The following SOX5 variants were observed in gnomAD, a reference collection of about 807,000 sequenced individuals.
The protein encoded by SOX5 is transcription factor SOX-5.
Under a neutral mutation model 92.0 loss-of-function variants are expected in SOX5, and 9 were observed. The ratio of observed to expected loss-of-function variants is 0.10; its 90% CI spans 0.06 to 0.17. The LOEUF (loss-of-function observed/expected upper bound fraction) is 0.17, where lower values mean the gene tolerates loss of function less well. SOX5 is among the 10% of genes least tolerant of loss of function. SOX5 has a pLI of 1.00. For synonymous variants in SOX5, 344 were observed against 336.3 expected, an observed-to-expected ratio of 1.02 and a Z score of -0.25; for missense variants, 642 against 944.5, an observed-to-expected ratio of 0.68 and a Z score of 4.20.
At chr12:23,918,651 C>T (rs916615279) in intron 1 of SOX5, among the ~76,000 whole-genome samples, 2 of 152,074 alleles carry the variant, frequency 1.3e-5, no homozygotes, top group East Asian at 1.9e-4. Context: ...ATGGGCCGGG[C>T]GTGGTGGCTC....
At chr12:23,974,649 G>A (rs1010636295) in intron 4 of SOX5, among the ~76,000 whole-genome samples, 3 of 152,056 alleles carry the variant, frequency 2.0e-5, no homozygotes, top group African/African-American at 7.2e-5. Context: ...CAGGAATGAC[G>A]GGAAGATAGT....
chr12:23,783,936 T>C (rs915185777), intron 3 of SOX5, among the ~76,000 whole-genome samples: 1 of 152,182 alleles, frequency 6.6e-6, no homozygotes. Context: ...ATGGAGTTTA[T>C]CACCTGGAGG....
At chr12:24,490,111 T>G (rs1317798874) in intron 1 of SOX5, among the ~76,000 whole-genome samples, 1 of 152,142 alleles carries the variant, frequency 6.6e-6, no homozygotes, top group Non-Finnish European at 1.5e-5. Context: ...TTTGCCACAT[T>G]TGGGTGATAA....
At chr12:23,970,401 T>C (rs1948091275) in intron 4 of SOX5, among the ~76,000 whole-genome samples, 1 of 152,112 alleles carries the variant, frequency 6.6e-6, no homozygotes, top group African/African-American at 2.4e-5. Context: ...CTCGAAACTT[T>C]TTCATCGTCC....
intron 2 of SOX5, among the ~76,000 whole-genome samples, chr12:24,345,397 C>T (rs956477160): frequency 1.3e-5 from 2 of 152,156 alleles, no homozygotes; most frequent in Non-Finnish European, 2.9e-5. Context: ...TGAACCCTCT[C>T]CAGGGACTTG....
chr12:23,917,482 G>A (rs2097429357), intron 1 of SOX5, among the ~76,000 whole-genome samples: 1 of 152,178 alleles, frequency 6.6e-6, no homozygotes. Flanking sequence ...GAGCCGGGGA[G>A]GCAGAGGTTG....
At chr12:23,842,570 T>A (rs1422604983) in intron 3 of SOX5, among the ~76,000 whole-genome samples, 1 of 152,132 alleles carries the variant, frequency 6.6e-6, no homozygotes, top group Non-Finnish European at 1.5e-5. Context: ...GAACCAGAGA[T>A]TCTTGGAGAT....
intron 10 of SOX5, among the ~76,000 whole-genome samples, chr12:23,564,722 G>T (rs1027644923): frequency 2.0e-5 from 3 of 152,192 alleles, no homozygotes; most frequent in African/African-American, 7.2e-5. Context: ...TAACTGCCGT[G>T]TTAGGAAAGT....
At chr12:23,967,293 C>T (rs1161936614) in intron 4 of SOX5, among the ~76,000 whole-genome samples, 1 of 152,044 alleles carries the variant, frequency 6.6e-6, no homozygotes. Flanking sequence ...TGCATTACAG[C>T]ATGAAAAGTC....
intron 4 of SOX5, among the ~76,000 whole-genome samples, chr12:24,125,749 C>G (rs1593388215): frequency 1.3e-5 from 2 of 152,186 alleles, no homozygotes; most frequent in African/African-American, 2.4e-5. Context: ...TAAAAGAAAA[C>G]AAAAATCTTT....
chr12:23,722,081 G>T (rs1442796357), intron 6 of SOX5, among the ~76,000 whole-genome samples: 1 of 152,140 alleles, frequency 6.6e-6, no homozygotes, highest in Non-Finnish European at 1.5e-5. Context: ...AAACATAAAT[G>T]TCCTAGAAAA....
chr12:23,859,466 A>G (rs554066944), intron 2 of SOX5, among the ~76,000 whole-genome samples: 1 of 152,280 alleles, frequency 6.6e-6, no homozygotes, highest in East Asian at 1.9e-4. Flanking sequence ...TAGTCAGACC[A>G]GTTATCTGCT....
At chr12:24,069,367 T>C (rs1201353286) in intron 4 of SOX5, among the ~76,000 whole-genome samples, 1 of 152,206 alleles carries the variant, frequency 6.6e-6, no homozygotes, top group East Asian at 1.9e-4. Flanking sequence ...GGCCCAGTAT[T>C]GTAAAAGAAA....
intron 1 of SOX5, among the ~76,000 whole-genome samples, chr12:24,391,449 T>G (rs1389997016): frequency 6.6e-6 from 1 of 152,140 alleles, no homozygotes; most frequent in Non-Finnish European, 1.5e-5. Flanking sequence ...TTCAACTTCT[T>G]TCATAGAAGT....
At chr12:24,103,227 T>C (rs1275881424) in intron 4 of SOX5, among the ~76,000 whole-genome samples, 1 of 152,246 alleles carries the variant, frequency 6.6e-6, no homozygotes, top group African/African-American at 2.4e-5. Flanking sequence ...AAATTGTGGA[T>C]ATTATCTGAG....
At chr12:24,171,294 GCTCACTGCAACCTCCGCCT>G (rs1954123231) in intron 4 of SOX5, among the ~76,000 whole-genome samples, 1 of 138,218 alleles carries the variant, frequency 7.2e-6, no homozygotes, top group African/African-American at 2.7e-5. Flanking sequence ...CCCAATCTTG[GCTCACTGCAACCTCCGCCT>G]CCCAGGCTCA....
At chr12:24,469,869 T>C (rs1944617743) in intron 1 of SOX5, among the ~76,000 whole-genome samples, 1 of 152,180 alleles carries the variant, frequency 6.6e-6, no homozygotes, top group Admixed American at 6.5e-5. Flanking sequence ...TTTGTCTCAT[T>C]ACTACTGAAA....
intron 4 of SOX5, among the ~76,000 whole-genome samples, chr12:24,030,484 A>G (rs1296840404): frequency 2.6e-5 from 4 of 151,956 alleles, no homozygotes; most frequent in Non-Finnish European, 4.4e-5. Context: ...GGGTAACTGC[A>G]TATCCATATG....
intron 2 of SOX5, among the ~76,000 whole-genome samples, chr12:24,345,756 T>C (rs1455983662): frequency 6.6e-6 from 1 of 152,214 alleles, no homozygotes; most frequent in African/African-American, 2.4e-5. Flanking sequence ...TTTTAGTAGT[T>C]AAAATTCTTA....
Sources: allele counts gnomAD v4.1 joint callset (sites outside exome capture counted in the v4.1 genomes callset), GRCh38; gene constraint gnomAD v4.1.1; transcripts MANE v1.5; gene names NCBI Gene and HGNC (gene_info 2026-07-23, HGNC 2026-07-21).